Variants in ROR1 observed in about 807,000 individuals in gnomAD.
ROR1 encodes the protein ROR family WNT receptor 1, also known as inactive tyrosine-protein kinase transmembrane receptor ROR1.
A neutral mutation model predicts 78.8 loss-of-function variants in ROR1; 19 were observed. That is an observed-to-expected ratio of 0.24 (90% CI 0.17 to 0.35). ROR1 has a LOEUF of 0.35. ROR1 is among the 10% of genes least tolerant of loss of function. The probability of loss-of-function intolerance (pLI) is 1.00; values close to 1 mark genes in which losing one functional copy is unlikely to be tolerated. For missense variants in ROR1, 917 were observed against 1,177.8 expected, an observed-to-expected ratio of 0.78 and a Z score of 3.24; for synonymous variants, 386 against 433.6, an observed-to-expected ratio of 0.89 and a Z score of 1.36.
intron 1 of ROR1, among the ~76,000 whole-genome samples, chr1:63,918,090 G>A (rs1645622731): frequency 6.6e-6 from 1 of 152,194 alleles, no homozygotes; most frequent in Non-Finnish European, 1.5e-5. Context: ...CATGCTTGTT[G>A]TTAGCCCTGA....
intron 1 of ROR1, among the ~76,000 whole-genome samples, chr1:63,995,091 A>G (rs1010944253): frequency 6.6e-6 from 1 of 152,218 alleles, no homozygotes; most frequent in African/African-American, 2.4e-5. Flanking sequence ...ATGCCATTTC[A>G]TTTTGGATGT....
intron 1 of ROR1, among the ~76,000 whole-genome samples, chr1:63,833,845 GT>G (rs923836138): frequency 6.6e-6 from 1 of 151,260 alleles, no homozygotes; most frequent in East Asian, 1.9e-4. Context: ...TTACGCACTG[GT>G]TTTTTTTCTA....
intron 1 of ROR1, among the ~76,000 whole-genome samples, chr1:63,884,521 A>G (rs1168436239): frequency 6.6e-6 from 1 of 152,350 alleles, no homozygotes; most frequent in East Asian, 1.9e-4. Context: ...GCTCAAGGTC[A>G]CGCAGCTAGT....
intron 1 of ROR1, chr1:63,843,727 A>G: frequency 2.2e-6 from 1 of 452,908 alleles, no homozygotes; most frequent in Non-Finnish European, 4.3e-6. Flanking sequence ...AGAGCCGCAG[A>G]AGACAAGAGC....
chr1:63,788,115 A>G (rs925185734), intron 1 of ROR1, among the ~76,000 whole-genome samples: 2 of 152,202 alleles, frequency 1.3e-5, no homozygotes, highest in Admixed American at 6.5e-5. Flanking sequence ...GAGCCAGTAG[A>G]CGCTGCTTTC....
At chr1:63,998,646 C>A (rs1439952596) in intron 1 of ROR1, among the ~76,000 whole-genome samples, 1 of 152,138 alleles carries the variant, frequency 6.6e-6, no homozygotes, top group Non-Finnish European at 1.5e-5. Flanking sequence ...ACAAAAGGAA[C>A]TGAAAGTTTA....
intron 1 of ROR1, chr1:63,843,288 A>G: frequency 1.4e-6 from 2 of 1,408,804 alleles, no homozygotes; most frequent in South Asian, 1.1e-5. Context: ...GTTTGTGTGT[A>G]ATTCATGCTT....
rs569333738 is a variant in ROR1, at chr1:63,844,344, C to T, written c.91+69836C>T. Among the ~76,000 whole-genome samples, 5 of 152,270 alleles carry T rather than the reference C, an allele frequency of 3.3e-5. No individual in the cohort carries two copies. The South Asian group carries it at 1.0e-3, about 32-fold the overall frequency. On this transcript the variant is annotated intron_variant, in intron 1 of 8. Transcript: ENST00000371079. ...TTGCAATGTCCTCCAAACCCTGTTG[C>T]CTGGCTTCACGCTGGTTAGGCACAT...
At chr1:63,989,064 A>G (rs541205934) in intron 1 of ROR1, among the ~76,000 whole-genome samples, 1 of 151,664 alleles carries the variant, frequency 6.6e-6, no homozygotes, top group African/African-American at 2.4e-5. Flanking sequence ...TGGAACTGCC[A>G]TATTGTTTTC....
At chr1:63,812,017 A>G (rs1259825604) in intron 1 of ROR1, among the ~76,000 whole-genome samples, 2 of 149,338 alleles carry the variant, frequency 1.3e-5, no homozygotes, top group Non-Finnish European at 3.0e-5. Flanking sequence ...CTGCAGTGCA[A>G]TGGTGTGATC....
rs373162734 is a variant in ROR1, at chr1:63,789,730, A to T, written c.91+15222A>T. ...ACAGGCACTGTCACTCTCTTTTGGG[A>T]TTACTTATTTATATGTTTGTCTCTC... On this transcript the variant is annotated intron_variant, in intron 1 of 8. Coordinates refer to ENST00000371079, the MANE Select transcript of ROR1 (RefSeq NM_005012.4). Among the ~76,000 whole-genome samples, 19 of 101,130 alleles carry T rather than the reference A, an allele frequency of 1.9e-4. No individual in the cohort carries two copies. In the East Asian group the frequency reaches 4.1e-3, roughly 22 times the overall value. 66.3% of individuals were successfully genotyped at this position (101,130 alleles called of 152,430 possible).
chr1:64,019,833 C>A (rs1448805496), intron 2 of ROR1, among the ~76,000 whole-genome samples: 2 of 152,070 alleles, frequency 1.3e-5, no homozygotes, highest in Non-Finnish European at 2.9e-5. Context: ...AACTCTGGAA[C>A]CTGTGAATTT....
At position 63,937,561 on chromosome 1, in the gene ROR1, C is replaced by A. The variant is rs143583144; in HGVS notation, c.92-71744C>A. ...TACATGTGTGGTGACCACATCTCAT[C>A]TTCTAGTGCAAGCTGCTCTGGATAG... On this transcript the variant is annotated intron_variant, in intron 1 of 8. Coordinates refer to ENST00000371079, the MANE Select transcript of ROR1 (RefSeq NM_005012.4). 2.6e-4 allele frequency among the ~76,000 whole-genome samples: 40 copies of A among 151,778 alleles called. No homozygotes were observed. In the East Asian group the frequency reaches 7.8e-3, roughly 30 times the overall value.
intron 4 of ROR1, among the ~76,000 whole-genome samples, chr1:64,104,033 C>T (rs1459510424): frequency 4.6e-5 from 7 of 152,110 alleles, no homozygotes; most frequent in Admixed American, 3.9e-4. Flanking sequence ...CAGGCCAGCT[C>T]GCTCCAACAA....
rs1329244046 is a variant in ROR1 at position 64,014,758 on chromosome 1, A to ACGCACAC, written c.163+5382_163+5383insCGCACAC. On this transcript the variant is annotated intron_variant, in intron 2 of 8. Transcript: ENST00000371079. ...ACGCACACTATATATATATATATAT[A>ACGCACAC]TATATATATATATATACACATTTTG... 1.1e-3 allele frequency among the ~76,000 whole-genome samples: 45 copies of ACGCACAC among 40,188 alleles called. 9 individuals carry two copies. The East Asian group carries it at 0.023, about 20-fold the overall frequency. The allele number at this position is 40,188 out of a possible 152,430, so 26.4% of individuals were successfully genotyped here.
At chr1:64,045,232 C>A (rs1288601067) in intron 2 of ROR1, among the ~76,000 whole-genome samples, 1 of 151,974 alleles carries the variant, frequency 6.6e-6, no homozygotes, top group East Asian at 1.9e-4. Context: ...TGTGCGAAGC[C>A]AGATTTTCTT....
At chr1:64,159,671 G>GTT (rs5774685) in intron 8 of ROR1, among the ~76,000 whole-genome samples, 2 of 150,858 alleles carry the variant, frequency 1.3e-5, no homozygotes, top group Admixed American at 6.6e-5. Flanking sequence ...ATTTTGTTGT[G>GTT]TTTTTTTACC....
intron 1 of ROR1, among the ~76,000 whole-genome samples, chr1:63,849,065 G>A (rs1645098542): frequency 6.6e-6 from 1 of 152,152 alleles, no homozygotes; most frequent in African/African-American, 2.4e-5. Context: ...AGTGTGCTAT[G>A]CCTGGCTCTG....
At chr1:63,902,534 A>G (rs1323864993) in intron 1 of ROR1, among the ~76,000 whole-genome samples, 1 of 151,932 alleles carries the variant, frequency 6.6e-6, no homozygotes, top group African/African-American at 2.4e-5. Context: ...CAGGATTCCC[A>G]GGCTGGTCTC....
Sources: allele counts gnomAD v4.1 joint callset (sites outside exome capture counted in the v4.1 genomes callset), GRCh38; gene constraint gnomAD v4.1.1; transcripts MANE v1.5; gene names NCBI Gene and HGNC (gene_info 2026-07-23, HGNC 2026-07-21).